The following STK24 variants were observed in gnomAD, a reference collection of about 807,000 sequenced individuals.
STK24 encodes serine/threonine-protein kinase 24.
A neutral mutation model predicts 55.6 loss-of-function variants in STK24; 21 were observed. That is an observed-to-expected ratio of 0.38 (90% confidence interval 0.27 to 0.54). STK24 has a LOEUF of 0.54. Among genes scored for constraint, STK24 ranks in the 20% least tolerant of loss-of-function variants. The probability of loss-of-function intolerance (pLI) is 0.79; values close to 1 mark genes in which losing one functional copy is unlikely to be tolerated. For synonymous variants in STK24, 200 were observed against 215.2 expected (o/e 0.93, Z 0.62); for missense variants, 383 against 538.4 (o/e 0.71, Z 2.86).
intron 1 of STK24, among the ~76,000 whole-genome samples, chr13:98,539,784 AGGTTAAG>A (rs1594653377): frequency 1.3e-5 from 2 of 152,214 alleles, no homozygotes; most frequent in Admixed American, 6.5e-5. Context: ...ATTTCTCAAA[AGGTTAAG>A]CATAAAACTA....
chr13:98,535,935 T>C (rs991985208), intron 1 of STK24, among the ~76,000 whole-genome samples: 3 of 152,220 alleles, frequency 2.0e-5, no homozygotes, highest in African/African-American at 7.2e-5. Context: ...CAAGAACTGA[T>C]GGAAGCAATG....
intron 1 of STK24, among the ~76,000 whole-genome samples, chr13:98,556,061 G>T (rs1408154185): frequency 6.6e-6 from 1 of 152,152 alleles, no homozygotes; most frequent in Admixed American, 6.5e-5. Context: ...GAAATGCCCG[G>T]ATAAGAAATT....
intron 2 of STK24, among the ~76,000 whole-genome samples, chr13:98,503,187 C>T (rs573123485): frequency 5.1e-4 from 77 of 151,796 alleles, no homozygotes; most frequent in Non-Finnish European, 8.2e-4. Context: ...TAAAGATGAA[C>T]ACAACTCCGC....
intron 1 of STK24, chr13:98,576,308 G>A (rs1897890935): frequency 3.6e-6 from 3 of 835,100 alleles, no homozygotes. Flanking sequence ...CCCGGGGGTG[G>A]GGGACGAGCC....
chr13:98,470,812 T>C (rs907219090), intron 5 of STK24, among the ~76,000 whole-genome samples: 2 of 152,230 alleles, frequency 1.3e-5, no homozygotes, highest in African/African-American at 4.8e-5. Flanking sequence ...GTGATTTTAA[T>C]TATATAGAGA....
intron 2 of STK24, among the ~76,000 whole-genome samples, chr13:98,488,160 GACACACACACACACACACACACAC>G (rs71213678): frequency 1.5e-4 from 20 of 130,408 alleles, no homozygotes; most frequent in Admixed American, 2.4e-4. Context: ...AAGAGATGAA[GACACACACACACACACACACACAC>G]ACACACACAC....
rs1892878062 is a variant in STK24, at chr13:98,446,889, C to T, written c.*6284G>A. 1.9e-5 allele frequency: 30 copies of T among 1,540,822 alleles called. No individual in the cohort carries two copies. The highest frequency in any genetic ancestry group is 5.8e-5 in the South Asian group (5 of 86,442). ...CTCTTCCAAACATCAGGATTTCTCCCAAGTCAGCGAGTGAGATGGCCCCAC... is the reference window on the plus strand; with the variant it reads ...CTCTTCCAAACATCAGGATTTCTCCTAAGTCAGCGAGTGAGATGGCCCCAC... On this transcript the variant is annotated 3_prime_UTR_variant, in exon 11 of 11. Transcript: ENST00000539966.
rs7987199 is a variant in STK24, at chr13:98,470,506, G to C, written c.598-3945C>G. Among the ~76,000 whole-genome samples, 1,017 of 152,370 alleles carry C rather than the reference G, an allele frequency of 6.7e-3. 7 individuals carry two copies. Among genetic ancestry groups the C allele is most frequent in the African/African-American group, 0.023 (968 of 41,576 alleles). On this transcript the variant is annotated intron_variant, in intron 5 of 10. Coordinates refer to ENST00000539966, the MANE Select transcript of STK24 (RefSeq NM_001032296.4). ...CCAAAGCAATTAAAATGAGGTGGAA[G>C]GAGAGACCCATTTGGGAAAGATATG...
At chr13:98,476,068 A>G (rs942170140) in intron 3 of STK24, among the ~76,000 whole-genome samples, 1 of 152,072 alleles carries the variant, frequency 6.6e-6, no homozygotes, top group African/African-American at 2.4e-5. Flanking sequence ...CCCTAAGATA[A>G]TAATTACCTC....
intron 1 of STK24, among the ~76,000 whole-genome samples, chr13:98,569,948 C>G (rs1222698569): frequency 1.3e-5 from 2 of 150,602 alleles, no homozygotes; most frequent in Non-Finnish European, 3.0e-5. Flanking sequence ...ACCATCTCAG[C>G]TCACTGCAAC....
chr13:98,533,322 G>A (rs1896629598), intron 1 of STK24, among the ~76,000 whole-genome samples: 1 of 152,206 alleles, frequency 6.6e-6, no homozygotes, highest in South Asian at 2.1e-4. Context: ...TTGCACCACT[G>A]CACTCCAGCC....
intron 1 of STK24, among the ~76,000 whole-genome samples, chr13:98,572,550 C>A (rs371667530): frequency 6.6e-6 from 1 of 152,188 alleles, no homozygotes; most frequent in Non-Finnish European, 1.5e-5. Context: ...AGTGCACAGG[C>A]TTCCCTAGGG....
At chr13:98,567,430 A>G (rs931737626) in intron 1 of STK24, among the ~76,000 whole-genome samples, 1 of 152,228 alleles carries the variant, frequency 6.6e-6, no homozygotes, top group Non-Finnish European at 1.5e-5. Context: ...ACCCCAAAGC[A>G]TCATAAACTT....
intron 2 of STK24, chr13:98,508,930 T>C (rs1566375805): frequency 6.6e-6 from 1 of 152,222 alleles, no homozygotes; most frequent in Non-Finnish European, 1.5e-5. Context: ...GGAATGTGAC[T>C]AGCGCTGGTG....
At chr13:98,499,027 A>G (rs1895348661) in intron 2 of STK24, among the ~76,000 whole-genome samples, 1 of 152,142 alleles carries the variant, frequency 6.6e-6, no homozygotes, top group African/African-American at 2.4e-5. Flanking sequence ...CGGGTGGATC[A>G]CTTGAGGTCA....
chr13:98,561,726 T>A (rs948080403), intron 1 of STK24, among the ~76,000 whole-genome samples: 2 of 152,000 alleles, frequency 1.3e-5, no homozygotes, highest in African/African-American at 4.8e-5. Context: ...CCACTAATCC[T>A]AGCACTTTGG....
intron 2 of STK24, among the ~76,000 whole-genome samples, chr13:98,502,053 G>A (rs973258143): frequency 3.9e-5 from 6 of 152,146 alleles, no homozygotes; most frequent in Admixed American, 1.3e-4. Flanking sequence ...AATCCAGGAA[G>A]CTATTGCCCC....
At chr13:98,550,741 C>T (rs1299987327) in intron 1 of STK24, among the ~76,000 whole-genome samples, 1 of 152,146 alleles carries the variant, frequency 6.6e-6, no homozygotes, top group African/African-American at 2.4e-5. Flanking sequence ...TACTCATTTG[C>T]ATGTAATTTT....
chr13:98,478,435 T>C (rs1439483926), intron 3 of STK24, among the ~76,000 whole-genome samples: 1 of 152,200 alleles, frequency 6.6e-6, no homozygotes, highest in Non-Finnish European at 1.5e-5. Context: ...ATGTGCCCCA[T>C]GCCCCTGCTT....
Sources: allele counts gnomAD v4.1 joint callset (sites outside exome capture counted in the v4.1 genomes callset), GRCh38; gene constraint gnomAD v4.1.1; transcripts MANE v1.5; gene names NCBI Gene and HGNC (gene_info 2026-07-23, HGNC 2026-07-21).